Variants in SOX5 observed in about 807,000 individuals in gnomAD.
SOX5 encodes SRY-box transcription factor 5, also known as transcription factor SOX-5.
Under a neutral mutation model 92.0 loss-of-function variants are expected in SOX5, and 9 were observed. The ratio of observed to expected loss-of-function variants is 0.10; its 90% confidence interval spans 0.06 to 0.17. The LOEUF is 0.17. Ranked by LOEUF, SOX5 falls within the 10% of genes least tolerant of loss-of-function variation. SOX5 has a pLI of 1.00. For missense variants in SOX5, 642 were observed against 944.5 expected (o/e 0.68, Z 4.20); for synonymous variants, 344 against 336.3 (o/e 1.02, Z -0.25).
chr12:23,745,657 C>G (rs2093957155), intron 4 of SOX5, among the ~76,000 whole-genome samples: 1 of 152,180 alleles, frequency 6.6e-6, no homozygotes, highest in African/African-American at 2.4e-5. Context: ...GGGCCAGTCT[C>G]TCCCTAAACA....
At chr12:23,565,967 C>A (rs191824117) in intron 10 of SOX5, among the ~76,000 whole-genome samples, 1 of 152,308 alleles carries the variant, frequency 6.6e-6, no homozygotes, top group East Asian at 1.9e-4. Context: ...CTCTCACCTT[C>A]CTGACCCTAC....
At chr12:23,809,479 A>C (rs2095838576) in intron 3 of SOX5, among the ~76,000 whole-genome samples, 1 of 152,038 alleles carries the variant, frequency 6.6e-6, no homozygotes, top group Non-Finnish European at 1.5e-5. Context: ...TTTAAAAAAA[A>C]TTATAAAGTA....
intron 2 of SOX5, among the ~76,000 whole-genome samples, chr12:24,343,329 G>C (rs886068475): frequency 6.6e-6 from 1 of 151,954 alleles, no homozygotes; most frequent in Admixed American, 6.6e-5. Context: ...AGAGTAAAAC[G>C]GCTTGCTCCT....
At chr12:23,603,506 A>G (rs2137499697) in intron 9 of SOX5, among the ~76,000 whole-genome samples, 1 of 142,292 alleles carries the variant, frequency 7.0e-6, no homozygotes, top group African/African-American at 2.5e-5. Flanking sequence ...TCTACTTAAC[A>G]TTTCCTAATA....
At chr12:23,806,587 A>T (rs1462163212) in intron 3 of SOX5, among the ~76,000 whole-genome samples, 1 of 149,922 alleles carries the variant, frequency 6.7e-6, no homozygotes, top group Non-Finnish European at 1.5e-5. Flanking sequence ...TCCACTAAAA[A>T]AAAAAAAAAA....
upstream of SOX5, among the ~76,000 whole-genome samples, chr12:23,953,388 T>C (rs572179512): frequency 3.3e-5 from 5 of 152,228 alleles, no homozygotes; most frequent in African/African-American, 1.2e-4. Context: ...TTTTCAATTA[T>C]CAGAAAAGCT....
chr12:24,440,477 C>G (rs1283893928), intron 1 of SOX5, among the ~76,000 whole-genome samples: 1 of 152,036 alleles, frequency 6.6e-6, no homozygotes, highest in Admixed American at 6.6e-5. Flanking sequence ...GCCATGGTTT[C>G]TTGCCTTCTT....
chr12:23,915,549 G>A (rs914223134), intron 1 of SOX5, among the ~76,000 whole-genome samples: 3 of 151,776 alleles, frequency 2.0e-5, no homozygotes, highest in East Asian at 1.9e-4. Context: ...TTCAAATAAC[G>A]TTAGTTTCAA....
At chr12:24,313,621 G>A (rs545847) in intron 2 of SOX5, among the ~76,000 whole-genome samples, 132,832 of 152,172 alleles carry the variant, frequency 0.87, 58,269 homozygotes, top group East Asian at 0.98. Context: ...CTGATCACTC[G>A]TGCTCCTTGT....
chr12:24,170,960 T>C (rs1242963264), intron 4 of SOX5, among the ~76,000 whole-genome samples: 7 of 152,040 alleles, frequency 4.6e-5, no homozygotes, highest in Non-Finnish European at 8.8e-5. Flanking sequence ...GCTTAGCAAA[T>C]AGCTATCCCA....
chr12:23,779,549 T>C (rs1028910799), intron 3 of SOX5, among the ~76,000 whole-genome samples: 6 of 151,586 alleles, frequency 4.0e-5, no homozygotes, highest in Non-Finnish European at 7.4e-5. Context: ...GATTTTAATA[T>C]GCACACCTAT....
chr12:23,821,946 T>G (rs918757426), intron 3 of SOX5, among the ~76,000 whole-genome samples: 3 of 151,982 alleles, frequency 2.0e-5, no homozygotes, highest in African/African-American at 7.2e-5. Context: ...TATATATAGT[T>G]TGTATTTCTG....
At chr12:24,319,580 T>C (rs73287626) in intron 2 of SOX5, among the ~76,000 whole-genome samples, 4,467 of 152,332 alleles carry the variant, frequency 0.029, 207 homozygotes, top group African/African-American at 0.1. Context: ...TCATATGCTA[T>C]CTGAATTTGT....
At chr12:24,117,095 G>A (rs191131489) in intron 4 of SOX5, among the ~76,000 whole-genome samples, 63 of 151,092 alleles carry the variant, frequency 4.2e-4, no homozygotes, top group Non-Finnish European at 7.7e-4. Context: ...AATATAGAGG[G>A]AATTCAAATA....
chr12:24,012,598 A>C (rs1953077037), intron 4 of SOX5, among the ~76,000 whole-genome samples: 1 of 152,194 alleles, frequency 6.6e-6, no homozygotes, highest in Non-Finnish European at 1.5e-5. Context: ...CTACAAATCT[A>C]GGCTTTGTAC....
intron 9 of SOX5, among the ~76,000 whole-genome samples, chr12:23,577,150 TACAC>T (rs1197912028): frequency 3.1e-4 from 37 of 117,582 alleles, no homozygotes; most frequent in Middle Eastern, 4.5e-3. Context: ...TATATATATA[TACAC>T]ACACACACAC....
At chr12:24,250,917 C>T (rs988506506) in intron 3 of SOX5, among the ~76,000 whole-genome samples, 2 of 152,202 alleles carry the variant, frequency 1.3e-5, no homozygotes, top group African/African-American at 4.8e-5. Flanking sequence ...CATACTGAAG[C>T]TCCCTCCCAT....
intron 1 of SOX5, among the ~76,000 whole-genome samples, chr12:24,368,978 C>CGA (rs1269837056): frequency 6.6e-6 from 1 of 152,214 alleles, no homozygotes; most frequent in Non-Finnish European, 1.5e-5. Flanking sequence ...TTCCACCACA[C>CGA]TATATATACA....
At chr12:24,094,050 G>A (rs1201855477) in intron 4 of SOX5, among the ~76,000 whole-genome samples, 1 of 151,982 alleles carries the variant, frequency 6.6e-6, no homozygotes, top group Non-Finnish European at 1.5e-5. Context: ...GGGTTCAAGC[G>A]ATTCTCCCGC....
Sources: gnomAD v4.1 joint callset for allele counts (sites outside exome capture counted in the v4.1 genomes callset) on GRCh38, gnomAD v4.1.1 for gene constraint, MANE v1.5 for transcripts, NCBI Gene and HGNC (gene_info 2026-07-23, HGNC 2026-07-21) for gene names.